Variants in COMMD1 observed in about 807,000 individuals in gnomAD.
The protein encoded by COMMD1 is copper metabolism domain containing 1.
Under a neutral mutation model 17.2 loss-of-function variants are expected in COMMD1, and 10 were observed. The ratio of observed to expected loss-of-function variants is 0.58; its 90% CI spans 0.36 to 0.99. COMMD1 has a LOEUF of 0.99. COMMD1 is among the 50% of genes least tolerant of loss of function. The probability of loss-of-function intolerance (pLI) is 0.01; values close to 1 mark genes in which losing one functional copy is unlikely to be tolerated. For missense variants in COMMD1, 270 were observed against 231.8 expected, an observed-to-expected ratio of 1.17 and a Z score of -1.07; for synonymous variants, 97 against 91.6, an observed-to-expected ratio of 1.06 and a Z score of -0.34.
intron 2 of COMMD1, among the ~76,000 whole-genome samples, chr2:62,047,066 C>T (rs925617442): frequency 2.6e-5 from 4 of 152,146 alleles, no homozygotes; most frequent in East Asian, 1.9e-4. Context: ...TCCCTACCCC[C>T]GAGTCCCTTA....
At chr2:62,023,650 AT>A (rs1191613004) in intron 2 of COMMD1, among the ~76,000 whole-genome samples, 1 of 151,960 alleles carries the variant, frequency 6.6e-6, no homozygotes, top group Non-Finnish European at 1.5e-5. Context: ...CGCTTGGCTA[AT>A]TTTTTGTATT....
At chr2:61,936,275 C>A (rs938744617) in intron 1 of COMMD1, among the ~76,000 whole-genome samples, 22 of 152,060 alleles carry the variant, frequency 1.4e-4, no homozygotes, top group Non-Finnish European at 2.6e-4. Context: ...AATCTATACC[C>A]CAGAGTACCT....
At chr2:62,131,777 A>G (rs1227750811) in intron 2 of COMMD1, among the ~76,000 whole-genome samples, 1 of 151,778 alleles carries the variant, frequency 6.6e-6, no homozygotes, top group African/African-American at 2.4e-5. Context: ...TCCTGGGCTC[A>G]AGCAATTCAC....
intron 2 of COMMD1, among the ~76,000 whole-genome samples, chr2:62,041,718 C>G (rs1446986541): frequency 6.6e-6 from 1 of 152,138 alleles, no homozygotes; most frequent in East Asian, 1.9e-4. Flanking sequence ...GCCGCGGACC[C>G]TCACGGGTGA....
chr2:61,951,229 G>A (rs1232564953), intron 1 of COMMD1, among the ~76,000 whole-genome samples: 3 of 152,112 alleles, frequency 2.0e-5, no homozygotes, highest in Admixed American at 2.0e-4. Context: ...TTCGGGAGGT[G>A]GAGGCGGGTG....
intron 2 of COMMD1, among the ~76,000 whole-genome samples, chr2:62,101,257 C>G (rs571709169): frequency 8.5e-5 from 13 of 152,278 alleles, no homozygotes; most frequent in African/African-American, 3.1e-4. Flanking sequence ...AATTCTGATA[C>G]TACCCAGAGT....
intron 2 of COMMD1, among the ~76,000 whole-genome samples, chr2:62,068,815 A>T (rs1043806560): frequency 6.7e-6 from 1 of 149,884 alleles, no homozygotes; most frequent in Non-Finnish European, 1.5e-5. Flanking sequence ...TTTATTTTTT[A>T]TTTTTTTTAG....
intron 1 of COMMD1, among the ~76,000 whole-genome samples, chr2:61,944,605 C>T (rs1464194541): frequency 6.6e-6 from 1 of 152,226 alleles, no homozygotes; most frequent in Non-Finnish European, 1.5e-5. Context: ...TAGCTCTCAT[C>T]TGCCATTACA....
intron 2 of COMMD1, among the ~76,000 whole-genome samples, chr2:62,113,360 A>C (rs1462012774): frequency 6.6e-6 from 1 of 152,054 alleles, no homozygotes; most frequent in Non-Finnish European, 1.5e-5. Context: ...TCAAAAAAAT[A>C]TATATATATG....
chr2:61,897,815 C>T (rs1013871779), intron 1 of COMMD1, among the ~76,000 whole-genome samples: 1 of 152,104 alleles, frequency 6.6e-6, no homozygotes, highest in African/African-American at 2.4e-5. Context: ...TAGGCCCTGT[C>T]TGTTTTTTCA....
chr2:62,000,334 G>T (rs1313649907), intron 1 of COMMD1, among the ~76,000 whole-genome samples: 1 of 149,274 alleles, frequency 6.7e-6, no homozygotes, highest in East Asian at 2.0e-4. Context: ...GTGCAGTGGC[G>T]CAATTTTGGC....
At chr2:61,938,084 G>A (rs535832322) in intron 1 of COMMD1, among the ~76,000 whole-genome samples, 1 of 152,276 alleles carries the variant, frequency 6.6e-6, no homozygotes, top group South Asian at 2.1e-4. Context: ...CTGGGCAGGA[G>A]AGAGGGCTCT....
intron 2 of COMMD1, among the ~76,000 whole-genome samples, chr2:62,064,967 G>A (rs1670986870): frequency 6.6e-6 from 1 of 152,120 alleles, no homozygotes; most frequent in African/African-American, 2.4e-5. Flanking sequence ...AGGAGTTCCA[G>A]ACCAGCCTGG....
At chr2:62,022,164 ATT>A (rs1432817491) in intron 2 of COMMD1, among the ~76,000 whole-genome samples, 1 of 151,976 alleles carries the variant, frequency 6.6e-6, no homozygotes, top group Non-Finnish European at 1.5e-5. Flanking sequence ...GTTTCATTTT[ATT>A]TTAGAGTGTG....
intron 2 of COMMD1, among the ~76,000 whole-genome samples, chr2:62,109,153 A>C (rs1029911349): frequency 6.6e-6 from 1 of 152,236 alleles, no homozygotes; most frequent in African/African-American, 2.4e-5. Flanking sequence ...GAGAGAAGTG[A>C]CTTCATACTT....
At chr2:62,122,695 G>A (rs188944968) in intron 2 of COMMD1, among the ~76,000 whole-genome samples, 2 of 152,318 alleles carry the variant, frequency 1.3e-5, no homozygotes, top group East Asian at 3.9e-4. Flanking sequence ...CAAAATACAT[G>A]TTCCTTTTGA....
At chr2:62,093,004 T>G (rs1283019484) in intron 2 of COMMD1, among the ~76,000 whole-genome samples, 1 of 152,158 alleles carries the variant, frequency 6.6e-6, no homozygotes, top group South Asian at 2.1e-4. Flanking sequence ...AAATGTTGTA[T>G]TATAGGCCAG....
intron 1 of COMMD1, among the ~76,000 whole-genome samples, chr2:61,958,075 A>G (rs982385817): frequency 6.6e-6 from 1 of 152,166 alleles, no homozygotes; most frequent in Admixed American, 6.5e-5. Flanking sequence ...GGTTTGTTAT[A>G]TAGGTAAACT....
intron 2 of COMMD1, among the ~76,000 whole-genome samples, chr2:62,030,107 T>G (rs1669872719): frequency 6.6e-6 from 1 of 152,244 alleles, no homozygotes; most frequent in African/African-American, 2.4e-5. Context: ...CTGTTGAGAT[T>G]CTTCTTGCCC....
Sources: allele counts gnomAD v4.1 joint callset (sites outside exome capture counted in the v4.1 genomes callset), GRCh38; gene constraint gnomAD v4.1.1; transcripts MANE v1.5; gene names NCBI Gene and HGNC (gene_info 2026-07-23, HGNC 2026-07-21).